CP: variants seen among roughly 807,000 people sequenced by gnomAD.
CP encodes ceruloplasmin, also known as caeruloplasmin.
In CP, 64 loss-of-function variants were observed where a neutral mutation model predicts 122.4. The observed-to-expected ratio is 0.52, with a 90% CI of 0.43 to 0.64. The LOEUF is 0.64. Ranked by LOEUF, CP falls within the 30% of genes least tolerant of loss-of-function variation. The pLI is 0.00. For synonymous variants in CP, 440 were observed against 436.4 expected (o/e 1.01, Z -0.10); for missense variants, 1,167 against 1,284.4 (o/e 0.91, Z 1.40).
chr3:149,216,456 A>C (rs1351592730), intron 1 of CP, among the ~76,000 whole-genome samples: 2 of 152,192 alleles, frequency 1.3e-5, no homozygotes, highest in Non-Finnish European at 2.9e-5. Flanking sequence ...TTCATCTTCA[A>C]GTCAGCTTCA....
chr3:149,194,428 G>T (rs999054908), intron 9 of CP, among the ~76,000 whole-genome samples: 18 of 151,674 alleles, frequency 1.2e-4, no homozygotes, highest in Admixed American at 1.0e-3. Flanking sequence ...TAGTAGAGAC[G>T]GGGTTTCACC....
rs749978692 is a variant in CP, at chr3:149,185,471, G to A, written c.2078-25C>T. ...CCTGGAGTGGTAAATAAGAAAACATGTCACTTCTTTGCTAGTGCCCTCTGG... is the reference window on the plus strand; with the variant it reads ...CCTGGAGTGGTAAATAAGAAAACATATCACTTCTTTGCTAGTGCCCTCTGG... On this transcript the variant is annotated intron_variant, in intron 11 of 18. Coordinates refer to ENST00000264613, the MANE Select transcript of CP (RefSeq NM_000096.4). 3.7e-6 allele frequency: 6 copies of A among 1,609,786 alleles called. No individual in the cohort carries two copies. In the Admixed American group the frequency reaches 1.0e-4, roughly 27 times the overall value.
intron 1 of CP, among the ~76,000 whole-genome samples, chr3:149,215,317 G>A (rs770860764): frequency 6.6e-6 from 1 of 152,162 alleles, no homozygotes; most frequent in Non-Finnish European, 1.5e-5. Context: ...AATAGGAAGA[G>A]CATTGCCATA....
intron 4 of CP, chr3:149,167,293 A>T: frequency 7.2e-7 from 1 of 1,388,446 alleles, no homozygotes; most frequent in Non-Finnish European, 1.0e-6. Context: ...ATCAGATCTG[A>T]TAACCTCATT....
Position 149,173,523 on chromosome 3 carries a change from T to A in CP, c.*191A>T, listed in dbSNP as rs1725192593. 3 of 479,540 alleles carry A rather than the reference T, an allele frequency of 6.3e-6. No individual in the cohort carries two copies. Among genetic ancestry groups the A allele is most frequent in the African/African-American group, 2.0e-5 (1 of 50,382 alleles). 29.7% of individuals were successfully genotyped at this position (479,540 alleles called of 1,614,324 possible). ...TACAAGTGTCAGTCATGTATCATTA[T>A]ATAGTCTGTTGATCTTTCCATTTGC... On this transcript the variant is annotated 3_prime_UTR_variant, in exon 19 of 19. Transcript: ENST00000264613.
chr3:149,168,532 A>G (rs940474274), downstream of CP: 2 of 156,284 alleles, frequency 1.3e-5, no homozygotes, highest in African/African-American at 2.4e-5. Context: ...TGTTTTCCCA[A>G]TGACAAAGGG....
chr3:149,198,331 A>C, intron 9 of CP, 36 bp downstream of exon 9: 1 of 1,507,710 alleles, frequency 6.6e-7, no homozygotes, highest in Non-Finnish European at 9.2e-7. Context: ...ATTTTCAAAG[A>C]GATTGAACAA....
At chr3:149,193,368 C>T (rs1441221268) in intron 9 of CP, among the ~76,000 whole-genome samples, 1 of 151,898 alleles carries the variant, frequency 6.6e-6, no homozygotes, top group Non-Finnish European at 1.5e-5. Flanking sequence ...AGGGAACTGA[C>T]TGAATAAATT....
chr3:149,218,974 T>C (rs1435683610), intron 1 of CP, among the ~76,000 whole-genome samples: 1 of 152,166 alleles, frequency 6.6e-6, no homozygotes, highest in Admixed American at 6.6e-5. Flanking sequence ...GTGCCAACCA[T>C]GTCTTGTGAT....
chr3:149,211,141 CAAAA>C (rs1181656723), intron 2 of CP, among the ~76,000 whole-genome samples: 2 of 151,884 alleles, frequency 1.3e-5, no homozygotes, highest in Non-Finnish European at 2.9e-5. Context: ...ACAACAAAAA[CAAAA>C]AAAGTCAACA....
At chr3:149,204,727 G>A (rs1345844512) in intron 6 of CP, among the ~76,000 whole-genome samples, 1 of 152,166 alleles carries the variant, frequency 6.6e-6, no homozygotes, top group Non-Finnish European at 1.5e-5. Flanking sequence ...AGTGATATAT[G>A]AGTAAAGACT....
In CP at chr3:149,177,855, A is replaced by G. The variant is rs775375848; in HGVS notation, c.3003T>C (p.His1001=). ...TAGCTCTTACCTTGTATTGGAAGCT[A>G]TGGCCGTGAAAATGTACAGTGTGTA... ...IDLHTVHFHG[H]SFQYKHRGVY... The change falls in exon 17 of 19, where the codon CAT becomes CAC. Residue 1001 remains histidine, a synonymous_variant. Coordinates refer to ENST00000264613, the MANE Select transcript of CP (RefSeq NM_000096.4). The G allele has an allele frequency of 8.7e-6, 14 of 1,613,784 alleles. No homozygotes were observed. The East Asian group carries it at 2.9e-4, about 33-fold the overall frequency.
At chr3:149,176,183 A>T in intron 18 of CP, 67 bp downstream of exon 18, 1 of 1,450,242 alleles carries the variant, frequency 6.9e-7, no homozygotes, top group Non-Finnish European at 9.7e-7. Flanking sequence ...GGAAGTATTT[A>T]GGCAAAGTAG....
At chr3:149,181,974 GCACCACCCC>G in intron 14 of CP, 22 bp downstream of exon 14, 2 of 1,356,688 alleles carry the variant, frequency 1.5e-6, no homozygotes, top group Non-Finnish European at 2.1e-6. Context: ...CTGTTAAAAT[GCACCACCCC>G]CACCCCCGCC....
chr3:149,195,888 C>T (rs1011536471), intron 9 of CP, among the ~76,000 whole-genome samples: 2 of 149,250 alleles, frequency 1.3e-5, no homozygotes, highest in Non-Finnish European at 3.0e-5. Flanking sequence ...AAAGAATAAA[C>T]TATAAAGCCA....
chr3:149,199,804 GCTCCTTTGTT>G lies in CP; in HGVS notation c.1399_1408del (p.Asn467HisfsTer11). ...AATCGGCTCAATACTGAGGGGATAT[GCTCCTTTGTT>G]ATGGAAGGTTACTCTGATGGTGTCT... On this transcript the variant is annotated frameshift_variant, in exon 8 of 19. Transcript: ENST00000264613. LOFTEE classifies it high-confidence loss of function. 6.2e-7 allele frequency: 1 copy of G among 1,614,078 alleles called. No homozygotes were observed. The highest frequency in any genetic ancestry group is 8.5e-7 in the Non-Finnish European group (1 of 1,179,934).
chr3:149,203,601 C>G (rs1055352796), intron 6 of CP, among the ~76,000 whole-genome samples: 2 of 152,164 alleles, frequency 1.3e-5, no homozygotes, highest in African/African-American at 4.8e-5. Flanking sequence ...CACATGACAT[C>G]GCAACAAAGT....
chr3:149,202,347 A>G, intron 6 of CP, 106 bp from the exon 7 acceptor site: 1 of 1,386,864 alleles, frequency 7.2e-7, no homozygotes, highest in Non-Finnish European at 1.0e-6. Context: ...GTGCTTAGAG[A>G]TGAATATTAT....
chr3:149,216,293 T>G (rs996897792), intron 1 of CP, among the ~76,000 whole-genome samples: 1 of 152,194 alleles, frequency 6.6e-6, no homozygotes, highest in Non-Finnish European at 1.5e-5. Flanking sequence ...TATCTGAGGC[T>G]CTGTGGAGAA....
Sources: gnomAD v4.1 joint callset for allele counts (sites outside exome capture counted in the v4.1 genomes callset) on GRCh38, gnomAD v4.1.1 for gene constraint, MANE v1.5 for transcripts, NCBI Gene and HGNC (gene_info 2026-07-23, HGNC 2026-07-21) for gene names.